Variants in ZNF423 observed in about 807,000 individuals in gnomAD.
ZNF423 encodes Ebf-associated zinc finger protein.
In ZNF423, 12 loss-of-function variants were observed where a neutral mutation model predicts 95.8. The observed-to-expected ratio is 0.13, with a 90% CI of 0.08 to 0.20. ZNF423 has a LOEUF of 0.20. Among genes scored for constraint, ZNF423 ranks in the 10% least tolerant of loss-of-function variants. The pLI, the probability that ZNF423 is intolerant of heterozygous loss-of-function variation, is 1.00. For missense variants in ZNF423, 1,316 were observed against 1,737.1 expected (o/e 0.76, Z 4.31); for synonymous variants, 749 against 711.9 (o/e 1.05, Z -0.83).
intron 3 of ZNF423, among the ~76,000 whole-genome samples, chr16:49,669,230 G>A (rs1251867592): frequency 6.6e-6 from 1 of 151,998 alleles, no homozygotes; most frequent in East Asian, 1.9e-4. Context: ...TCGGGAGGCT[G>A]AGGTGGGAGA....
chr16:49,751,743 A>C (rs2143573720), intron 2 of ZNF423, among the ~76,000 whole-genome samples: 1 of 152,228 alleles, frequency 6.6e-6, no homozygotes, highest in East Asian at 1.9e-4. Context: ...AGGAAGAAGC[A>C]GTACCACCCA....
Position 49,637,851 on chromosome 16 carries a change from G to T in ZNF423, c.1325C>A (p.Ala442Glu). The stretch of plus-strand genomic sequence containing the variant: ...TGTGTGGCTCTGCTGGGGCTTGTCC[G>T]CGTGGATGGTCTTCAGGTGGATCTC... ...VLEIHLKTIH[A>E]DKPQQSHTCQ... Residue 442 changes from alanine to glutamate, a missense_variant, in exon 4 of 8, where the codon GCG (alanine) becomes GAG (glutamate). Ala to Glu is a moderately radical substitution (Grantham distance 107, BLOSUM62 -1). This residue lies in a region of ZNF423 where 399 missense variants were observed against 478.5 expected (regional missense o/e 0.83). Transcript: ENST00000563137. This position sits in a 1 kb window ranked among gnomAD's most constrained non-coding sequence, Gnocchi z 5.6. 1 of 1,614,176 alleles carries T rather than the reference G, an allele frequency of 6.2e-7. No individual in the cohort carries two copies. The highest frequency in any genetic ancestry group is 8.5e-7 in the Non-Finnish European group (1 of 1,180,024).
At chr16:49,800,354 A>C (rs1038262382) in intron 1 of ZNF423, among the ~76,000 whole-genome samples, 1 of 152,014 alleles carries the variant, frequency 6.6e-6, no homozygotes, top group African/African-American at 2.4e-5. Context: ...AGTTTTCTCT[A>C]AGTACTAGGA....
At chr16:49,533,005 G>A (rs1385734482) in intron 5 of ZNF423, among the ~76,000 whole-genome samples, 1 of 152,096 alleles carries the variant, frequency 6.6e-6, no homozygotes, top group Non-Finnish European at 1.5e-5. Flanking sequence ...GGGTGGGAAG[G>A]GTCACCCCCC....
chr16:49,614,709 G>A (rs1971820993), intron 5 of ZNF423, among the ~76,000 whole-genome samples: 1 of 152,208 alleles, frequency 6.6e-6, no homozygotes. Flanking sequence ...GAGAAACTGG[G>A]TAAAGTGTAC....
intron 5 of ZNF423, among the ~76,000 whole-genome samples, chr16:49,578,665 A>G (rs1567480060): frequency 6.6e-6 from 1 of 152,200 alleles, no homozygotes; most frequent in Non-Finnish European, 1.5e-5. Flanking sequence ...GCCTGGTGCC[A>G]CGGAGCAGGG....
intron 5 of ZNF423, among the ~76,000 whole-genome samples, chr16:49,614,636 T>A (rs1400473341): frequency 6.6e-6 from 1 of 152,230 alleles, no homozygotes. Flanking sequence ...GTAGCTTGAC[T>A]GTATCAATGT....
At chr16:49,838,376 A>G (rs1004636808) in intron 1 of ZNF423, among the ~76,000 whole-genome samples, 1 of 152,192 alleles carries the variant, frequency 6.6e-6, no homozygotes, top group Non-Finnish European at 1.5e-5. Flanking sequence ...TCACGTACCT[A>G]TTTCACAGGG....
At chr16:49,554,860 A>G (rs1371015813) in intron 5 of ZNF423, among the ~76,000 whole-genome samples, 1 of 152,110 alleles carries the variant, frequency 6.6e-6, no homozygotes, top group East Asian at 1.9e-4. Context: ...CCTTCAGGAC[A>G]AAAGCACCTG....
intron 2 of ZNF423, among the ~76,000 whole-genome samples, chr16:49,756,857 C>T (rs375435536): frequency 6.6e-6 from 1 of 152,210 alleles, no homozygotes; most frequent in East Asian, 1.9e-4. Flanking sequence ...AGCCAGCATG[C>T]GCGGGGAGGG....
intron 5 of ZNF423, among the ~76,000 whole-genome samples, chr16:49,590,428 C>A (rs1970978512): frequency 6.6e-6 from 1 of 152,072 alleles, no homozygotes; most frequent in African/African-American, 2.4e-5. Context: ...CTTCGGGGGG[C>A]AAGGGTCTTC....
At chr16:49,578,318 G>A (rs1240023263) in intron 5 of ZNF423, among the ~76,000 whole-genome samples, 1 of 152,102 alleles carries the variant, frequency 6.6e-6, no homozygotes, top group Non-Finnish European at 1.5e-5. Flanking sequence ...GCTCCAGCGG[G>A]GGAAGGACTG....
rs376886872 is a variant in ZNF423 at position 49,547,235 on chromosome 16, T to C, written c.3602-21741A>G. ...GTGAAAAACACTCAGATGCTGAGAG[T>C]GCCCCAGGGAAAGAGAGAATGCTGA... is the stretch of plus-strand genomic sequence containing the variant. On this transcript the variant is annotated intron_variant, in intron 5 of 7. Coordinates refer to ENST00000563137, the MANE Select transcript of ZNF423 (RefSeq NM_001379286.1). Among the ~76,000 whole-genome samples, 9 of 152,008 alleles carry C rather than the reference T, an allele frequency of 5.9e-5. No homozygotes were observed. The East Asian group carries it at 1.8e-3, about 30-fold the overall frequency.
chr16:49,660,142 G>T (rs1261724802), intron 3 of ZNF423, among the ~76,000 whole-genome samples: 1 of 152,128 alleles, frequency 6.6e-6, no homozygotes, highest in Non-Finnish European at 1.5e-5. Flanking sequence ...ATAAGCCCTG[G>T]ATTCCTGGAT....
chr16:49,770,203 CGAATGAAT>C (rs10661234), intron 2 of ZNF423, among the ~76,000 whole-genome samples: 3 of 150,704 alleles, frequency 2.0e-5, no homozygotes, highest in Non-Finnish European at 3.0e-5. Flanking sequence ...AAAGAATGAA[CGAATGAAT>C]GAATGAATGA....
intron 2 of ZNF423, among the ~76,000 whole-genome samples, chr16:49,741,039 A>G (rs1319345434): frequency 6.6e-6 from 1 of 152,162 alleles, no homozygotes; most frequent in Non-Finnish European, 1.5e-5. Flanking sequence ...CACTCGGATA[A>G]CGAGTGGAGA....
At chr16:49,854,573 A>C (rs933469227) in intron 1 of ZNF423, 9 of 985,322 alleles carry the variant, frequency 9.1e-6, no homozygotes, top group African/African-American at 5.2e-5. Flanking sequence ...CCGTAGACTT[A>C]GCCGCTCTCA....
intron 7 of ZNF423, among the ~76,000 whole-genome samples, chr16:49,498,225 C>T (rs1269019531): frequency 6.6e-6 from 1 of 152,234 alleles, no homozygotes. Flanking sequence ...TAAATACTCT[C>T]ATCCTCCCTA....
intron 3 of ZNF423, among the ~76,000 whole-genome samples, chr16:49,669,471 TC>T (rs1426308080): frequency 2.0e-5 from 3 of 152,132 alleles, no homozygotes; most frequent in Admixed American, 6.5e-5. Flanking sequence ...AGCAGGACTG[TC>T]CCCTGCCCAG....
Sources: gnomAD v4.1 joint callset for allele counts (sites outside exome capture counted in the v4.1 genomes callset) on GRCh38, gnomAD v4.1.1 for gene constraint, gnomAD v4.1.1 regional missense constraint, Gnocchi (gnomAD v3.1) non-coding constraint, MANE v1.5 for transcripts, NCBI Gene and HGNC (gene_info 2026-07-23, HGNC 2026-07-21) for gene names.